The following SFT2D2 variants were observed in gnomAD, a reference collection of about 807,000 sequenced individuals.
SFT2D2 encodes the protein vesicle transport protein SFT2B.
A neutral mutation model predicts 27.4 loss-of-function variants in SFT2D2; 21 were observed. The ratio of observed to expected loss-of-function variants is 0.77; its 90% CI spans 0.54 to 1.10. The LOEUF is 1.10. Among genes scored for constraint, SFT2D2 ranks in the 50% least tolerant of loss-of-function variants. The pLI is 0.00. For missense variants in SFT2D2, 187 were observed against 194.2 expected (o/e 0.96, Z 0.22); for synonymous variants, 72 against 71.7 (o/e 1.00, Z -0.02).
chr1:168,226,023 T>C lies in SFT2D2; in HGVS notation c.-57T>C. The stretch of plus-strand genomic sequence containing the variant: ...CCTAGCACCCGGAAGAGCCGTCAAC[T>C]TAGCGAGCGCAACAGGCTGCCGCTG... On this transcript the variant is annotated 5_prime_UTR_variant, in exon 1 of 8. Coordinates refer to ENST00000271375, the MANE Select transcript of SFT2D2 (RefSeq NM_199344.3). The C allele has an allele frequency of 6.9e-7, 1 of 1,449,584 alleles. No homozygotes were observed. Among genetic ancestry groups the C allele is most frequent in the African/African-American group, 1.5e-5 (1 of 67,996 alleles). 89.8% of individuals were successfully genotyped at this position (1,449,584 alleles called of 1,614,324 possible). A position where few individuals can be genotyped will look rare whatever the true frequency, so the allele number is the denominator to read the frequency against.
Position 168,249,682 on chromosome 1 carries a change from G to A in SFT2D2, c.*7142G>A, listed in dbSNP as rs576708954. On this transcript the variant is annotated 3_prime_UTR_variant, in exon 8 of 8. Transcript: ENST00000271375. ...GTGAGCTGTGACTAGTCATATACTA[G>A]TTGTGTCATTTTGAACAGGTTACCT... The A allele has an allele frequency of 2.0e-5, 3 of 152,794 alleles. No individual in the cohort carries two copies. The East Asian group carries it at 5.8e-4, about 29-fold the overall frequency. 9.5% of individuals were successfully genotyped at this position (152,794 alleles called of 1,614,324 possible).
chr1:168,229,154 T>C (rs1033425800), intron 1 of SFT2D2, among the ~76,000 whole-genome samples: 5 of 152,182 alleles, frequency 3.3e-5, no homozygotes, highest in African/African-American at 1.2e-4. Flanking sequence ...TTTCTGAAGG[T>C]AGAAACCAGA....
chr1:168,250,420 TC>T lies in SFT2D2; in HGVS notation c.*7883del, dbSNP rs1647923682. On this transcript the variant is annotated 3_prime_UTR_variant, in exon 8 of 8. Coordinates refer to ENST00000271375, the MANE Select transcript of SFT2D2 (RefSeq NM_199344.3). ...TCTCTGTCTCCCTGCTGCCCTGCAT[TC>T]CCTTCCCTTCCGTTCACTGCTGGGT... is the stretch of plus-strand genomic sequence containing the variant. The T allele has an allele frequency of 6.6e-6, 1 of 152,256 alleles. No homozygotes were observed. Among genetic ancestry groups the T allele is most frequent in the Non-Finnish European group, 1.5e-5 (1 of 68,080 alleles). The allele number at this position is 152,256 out of a possible 1,614,324, so 9.4% of individuals were successfully genotyped here.
Position 168,250,342 on chromosome 1 carries a change from C to A in SFT2D2, c.*7802C>A, listed in dbSNP as rs570614773. 7 of 152,214 alleles carry A rather than the reference C, an allele frequency of 4.6e-5. No homozygotes were observed. The highest frequency in any genetic ancestry group is 8.8e-5 in the Non-Finnish European group (6 of 68,046). The allele number at this position is 152,214 out of a possible 1,614,324, so 9.4% of individuals were successfully genotyped here. A position where few individuals can be genotyped will look rare whatever the true frequency, so the allele number is the denominator to read the frequency against. On this transcript the variant is annotated 3_prime_UTR_variant, in exon 8 of 8. Coordinates refer to ENST00000271375, the MANE Select transcript of SFT2D2 (RefSeq NM_199344.3). ...ACCAAGCAACAGCAGTGATTAAAAG[C>A]AACCTGATGAGTGAGTAAAGAATTA...
At chr1:168,236,480 G>A in intron 4 of SFT2D2, 109 bp from the exon 5 acceptor site, 1 of 1,072,482 alleles carries the variant, frequency 9.3e-7, no homozygotes, top group Non-Finnish European at 1.4e-6. Context: ...TAACTGCTTT[G>A]AGATGAAGGA....
At position 168,239,165 on chromosome 1, in the gene SFT2D2, G is replaced by C. The variant is rs1477502773; in HGVS notation, c.443+5G>C. 2 of 1,599,024 alleles carry C rather than the reference G, an allele frequency of 1.3e-6. No individual in the cohort carries two copies. Among genetic ancestry groups the C allele is most frequent in the Non-Finnish European group, 1.7e-6 (2 of 1,166,474 alleles). ...TTCCTTCATACCATTTGCAAGGTAA[G>C]ACTGTGTATTTGGAAATAATGATTT... On this transcript the variant is annotated splice_donor_5th_base_variant and intron_variant, in intron 7 of 7. Coordinates refer to ENST00000271375, the MANE Select transcript of SFT2D2 (RefSeq NM_199344.3).
Position 168,236,716 on chromosome 1 carries a change from A to T in SFT2D2, c.359A>T (p.His120Leu). ...ALTLCSAFWW[H>L]NKGLALIFCI... The stretch of plus-strand genomic sequence containing the variant: ...ACCATATTATTATTTTTCCAGTGGC[A>T]TAACAAGGGACTTGCACTTATCTTC... The change falls in exon 6 of 8, where the codon CAT (histidine) becomes CTT (leucine). Residue 120 changes from histidine (H) to leucine (L), a missense_variant. Coordinates refer to ENST00000271375, the MANE Select transcript of SFT2D2 (RefSeq NM_199344.3). The T allele has an allele frequency of 1.2e-6, 2 of 1,614,222 alleles. No individual in the cohort carries two copies. The highest frequency in any genetic ancestry group is 1.7e-6 in the Non-Finnish European group (2 of 1,180,046).
At chr1:168,242,342 GTAC>G (rs1647672271) in intron 7 of SFT2D2, among the ~76,000 whole-genome samples, 156 bp from the exon 8 acceptor site, 2 of 152,222 alleles carry the variant, frequency 1.3e-5, no homozygotes, top group Admixed American at 1.3e-4. Context: ...TCCCAGGATA[GTAC>G]TACTAATAAA....
Position 168,236,768 on chromosome 1 carries a change from G to C in SFT2D2, c.411G>C (p.Thr137=). Residue 137 remains threonine (T), a splice_region_variant and synonymous_variant, in exon 6 of 8, where the codon ACG becomes ACC. Transcript: ENST00000271375. ...IFCILQSLAL[T]WYSLSFIPFA... ...GCATTTTGCAGTCTTTGGCATTGAC[G>C]TGGTAAGTAACCTTTTAAACAATCC... is the stretch of plus-strand genomic sequence containing the variant. 1 of 1,614,118 alleles carries C rather than the reference G, an allele frequency of 6.2e-7. No individual in the cohort carries two copies. Among genetic ancestry groups the C allele is most frequent in the Non-Finnish European group, 8.5e-7 (1 of 1,179,986 alleles).
At position 168,226,391 on chromosome 1, in the gene SFT2D2, C is replaced by T. The variant is rs962923167; in HGVS notation, c.63+249C>T. On this transcript the variant is annotated intron_variant, in intron 1 of 7. Transcript: ENST00000271375. ...ACAAGGGGGCGGCGCAGGAGGAAAT[C>T]CCCGGACTGAGCTGCGAGTGGGAGG... Among the ~76,000 whole-genome samples the T allele has an allele frequency of 1.9e-4, 29 of 152,244 alleles. No individual in the cohort carries two copies. In the Middle Eastern group the frequency reaches 0.014, roughly 72 times the overall value.
chr1:168,250,539 G>A lies in SFT2D2; in HGVS notation c.*7999G>A, dbSNP rs1426013457. 1 of 152,262 alleles carries A rather than the reference G, an allele frequency of 6.6e-6. No individual in the cohort carries two copies. The highest frequency in any genetic ancestry group is 1.9e-4 in the East Asian group (1 of 5,196). The allele number at this position is 152,262 out of a possible 1,614,324, so 9.4% of individuals were successfully genotyped here. A position where few individuals can be genotyped will look rare whatever the true frequency, so the allele number is the denominator to read the frequency against. ...ATGGTGCTCAGCCAGCCATATGGAA[G>A]CACTGTCCTGGCGTGATCTGCCCTG... On this transcript the variant is annotated 3_prime_UTR_variant, in exon 8 of 8. Coordinates refer to ENST00000271375, the MANE Select transcript of SFT2D2 (RefSeq NM_199344.3).
chr1:168,231,490 G>A (rs1275083498), intron 1 of SFT2D2, 24 bp from the exon 2 acceptor site: 4 of 1,553,568 alleles, frequency 2.6e-6, no homozygotes, highest in Middle Eastern at 1.7e-4. Context: ...GTGTGTATAT[G>A]TATTTTTTTT....
intron 1 of SFT2D2, among the ~76,000 whole-genome samples, chr1:168,230,032 T>G (rs972386078): frequency 1.3e-5 from 2 of 152,202 alleles, no homozygotes; most frequent in African/African-American, 4.8e-5. Context: ...GTTCCATATA[T>G]ATGAATGTAT....
At chr1:168,234,420 C>T (rs1416333055) in intron 3 of SFT2D2, among the ~76,000 whole-genome samples, 1 of 151,384 alleles carries the variant, frequency 6.6e-6, no homozygotes, top group Non-Finnish European at 1.5e-5. Flanking sequence ...CAAAAAAAAC[C>T]CAGCATGCTG....
In SFT2D2 at chr1:168,246,107, A is replaced by G. The variant is rs940533694; in HGVS notation, c.*3567A>G. On this transcript the variant is annotated 3_prime_UTR_variant, in exon 8 of 8. Transcript: ENST00000271375. ...CTGTTTTTGTTGAAGTTGTCTCACA[A>G]CTACTTCTCTTTCTGCTTTCTCTCT... 1 of 238,690 alleles carries G rather than the reference A, an allele frequency of 4.2e-6. No homozygotes were observed. Among genetic ancestry groups the G allele is most frequent in the Non-Finnish European group, 8.3e-6 (1 of 119,934 alleles). The allele number at this position is 238,690 out of a possible 1,614,324, so 14.8% of individuals were successfully genotyped here. A position where few individuals can be genotyped will look rare whatever the true frequency, so the allele number is the denominator to read the frequency against.
rs1041580296 is a variant in SFT2D2, at chr1:168,243,927, G to A, written c.*1387G>A. On this transcript the variant is annotated 3_prime_UTR_variant, in exon 8 of 8. Coordinates refer to ENST00000271375, the MANE Select transcript of SFT2D2 (RefSeq NM_199344.3). ...TTGTGTTCCCTTTCAGCTCCTCCTT[G>A]TTGCCTGACTACGATTAGTGCCCTG... 2.6e-5 allele frequency: 4 copies of A among 152,336 alleles called. No homozygotes were observed. The highest frequency in any genetic ancestry group is 5.9e-5 in the Non-Finnish European group (4 of 68,224). The allele number at this position is 152,336 out of a possible 1,614,324, so 9.4% of individuals were successfully genotyped here.
At position 168,248,159 on chromosome 1, in the gene SFT2D2, G is replaced by A. The variant is rs1443466560; in HGVS notation, c.*5619G>A. The A allele has an allele frequency of 6.6e-6, 1 of 152,202 alleles. No individual in the cohort carries two copies. The highest frequency in any genetic ancestry group is 6.5e-5 in the Admixed American group (1 of 15,276). The allele number at this position is 152,202 out of a possible 1,614,324, so 9.4% of individuals were successfully genotyped here. Reference sequence around the variant, plus strand: ...TGATAGTTTCTTTTGCTGTGCAGAAGCTCTTTGGTTTAATTAGATCTCATT... The same window carrying A: ...TGATAGTTTCTTTTGCTGTGCAGAAACTCTTTGGTTTAATTAGATCTCATT... On this transcript the variant is annotated 3_prime_UTR_variant, in exon 8 of 8. Transcript: ENST00000271375.
chr1:168,227,950 A>C (rs1700478144), intron 1 of SFT2D2, among the ~76,000 whole-genome samples: 1 of 152,208 alleles, frequency 6.6e-6, no homozygotes, highest in Non-Finnish European at 1.5e-5. Context: ...TTTTAACCTA[A>C]AATGGTGAAC....
chr1:168,234,272 T>A (rs1031346832), intron 3 of SFT2D2, among the ~76,000 whole-genome samples: 1 of 152,016 alleles, frequency 6.6e-6, no homozygotes, highest in African/African-American at 2.4e-5. Context: ...CGTGTGCCTG[T>A]AGTCCCAGCT....
Sources: gnomAD v4.1 joint callset for allele counts (sites outside exome capture counted in the v4.1 genomes callset) on GRCh38, gnomAD v4.1.1 for gene constraint, MANE v1.5 for transcripts, NCBI Gene and HGNC (gene_info 2026-07-23, HGNC 2026-07-21) for gene names.